The following GALNTL6 variants were observed in gnomAD, a reference collection of about 807,000 sequenced individuals.
GALNTL6 encodes the protein polypeptide N-acetylgalactosaminyltransferase like 6, also known as polypeptide N-acetylgalactosaminyltransferase-like 6.
In GALNTL6, 46 loss-of-function variants were observed where a neutral mutation model predicts 73.7. The ratio of observed to expected loss-of-function variants is 0.62; its 90% CI spans 0.49 to 0.80. The LOEUF is 0.80. Among genes scored for constraint, GALNTL6 ranks in the 30% least tolerant of loss-of-function variants. GALNTL6 has a pLI of 0.00. For synonymous variants in GALNTL6, 259 were observed against 263.7 expected (o/e 0.98, Z 0.17); for missense variants, 604 against 755.0 (o/e 0.80, Z 2.34).
intron 2 of GALNTL6, among the ~76,000 whole-genome samples, chr4:171,854,557 A>G (rs925342155): frequency 8.5e-5 from 13 of 152,210 alleles, no homozygotes; most frequent in African/African-American, 2.9e-4. Context: ...AGGTACTTGG[A>G]TAACATCTTA....
chr4:172,298,402 T>G (rs899455315), intron 3 of GALNTL6, among the ~76,000 whole-genome samples: 1 of 151,938 alleles, frequency 6.6e-6, no homozygotes, highest in Non-Finnish European at 1.5e-5. Flanking sequence ...TGAATAGGAG[T>G]GGTGAGAGAG....
intron 5 of GALNTL6, among the ~76,000 whole-genome samples, chr4:172,654,357 A>G (rs1380154392): frequency 6.6e-6 from 1 of 152,166 alleles, no homozygotes; most frequent in Non-Finnish European, 1.5e-5. Context: ...ACAAAGAAAA[A>G]CTTCCTAGAG....
intron 2 of GALNTL6, among the ~76,000 whole-genome samples, chr4:171,930,511 A>G (rs1466289347): frequency 1.3e-5 from 2 of 152,156 alleles, no homozygotes; most frequent in Admixed American, 6.5e-5. Flanking sequence ...ATCATACTGA[A>G]TGGGGAAAAG....
intron 5 of GALNTL6, among the ~76,000 whole-genome samples, chr4:172,555,579 G>C (rs115065447): frequency 0.022 from 3,400 of 152,080 alleles, 53 homozygotes; most frequent in Non-Finnish European, 0.037. Flanking sequence ...TTAGAAAGTA[G>C]AGTAGAATAA....
At chr4:172,380,457 C>T (rs549533205) in intron 5 of GALNTL6, 3 of 512,580 alleles carry the variant, frequency 5.9e-6, no homozygotes, top group African/African-American at 5.8e-5. Flanking sequence ...AGCTGGGTTT[C>T]CTTGACGATC....
chr4:172,924,462 T>G lies in GALNTL6; in HGVS notation c.1042-6699T>G, dbSNP rs149160549. Among the ~76,000 whole-genome samples, 82 of 152,328 alleles carry G rather than the reference T, an allele frequency of 5.4e-4. 1 individual carries two copies. In the East Asian group the frequency reaches 9.6e-3, roughly 18 times the overall value. On this transcript the variant is annotated intron_variant, in intron 8 of 12. Coordinates refer to ENST00000506823, the MANE Select transcript of GALNTL6 (RefSeq NM_001034845.3). ...AGTGCTCACTACGTATTTGTTCACT[T>G]AACGAAGTATATGAAAGAGAAGCAC...
At chr4:172,276,971 G>A (rs1048063830) in intron 3 of GALNTL6, among the ~76,000 whole-genome samples, 1 of 152,066 alleles carries the variant, frequency 6.6e-6, no homozygotes, top group African/African-American at 2.4e-5. Flanking sequence ...GGGTTTGATA[G>A]TTTTGACCAT....
At chr4:172,839,292 C>A (rs769659106) in intron 7 of GALNTL6, among the ~76,000 whole-genome samples, 2 of 152,148 alleles carry the variant, frequency 1.3e-5, no homozygotes, top group Non-Finnish European at 2.9e-5. Context: ...TGAGAGACTA[C>A]CTGAAGTCAC....
intron 5 of GALNTL6, among the ~76,000 whole-genome samples, chr4:172,726,925 A>T (rs545390816): frequency 6.6e-6 from 1 of 152,298 alleles, no homozygotes; most frequent in South Asian, 2.1e-4. Context: ...ATTAATGATT[A>T]TTGTTAAGGA....
At chr4:172,539,178 A>G (rs1165267211) in intron 5 of GALNTL6, among the ~76,000 whole-genome samples, 2 of 152,150 alleles carry the variant, frequency 1.3e-5, no homozygotes, top group African/African-American at 2.4e-5. Flanking sequence ...TTCCTAGGGT[A>G]CTTTTTTATC....
chr4:172,193,800 T>A (rs1360293348), intron 2 of GALNTL6, among the ~76,000 whole-genome samples: 1 of 152,088 alleles, frequency 6.6e-6, no homozygotes, highest in Non-Finnish European at 1.5e-5. Context: ...GAGGCGGAAC[T>A]TGCAGTGAGC....
chr4:172,217,805 G>A (rs1417742979), intron 2 of GALNTL6, among the ~76,000 whole-genome samples: 1 of 152,090 alleles, frequency 6.6e-6, no homozygotes, highest in East Asian at 1.9e-4. Context: ...GGATATATCA[G>A]GTAACAGGAA....
chr4:172,834,236 C>T (rs1003467683), intron 7 of GALNTL6, among the ~76,000 whole-genome samples: 1 of 152,196 alleles, frequency 6.6e-6, no homozygotes, highest in Non-Finnish European at 1.5e-5. Flanking sequence ...TGTGGACCCA[C>T]CCTGGGTTAC....
intron 5 of GALNTL6, among the ~76,000 whole-genome samples, chr4:172,733,477 G>C (rs1736271188): frequency 1.3e-5 from 2 of 151,976 alleles, no homozygotes; most frequent in South Asian, 4.2e-4. Flanking sequence ...GGGGGTATTT[G>C]ATATGGTTTG....
chr4:172,341,563 G>C (rs915289047), intron 4 of GALNTL6, among the ~76,000 whole-genome samples: 1 of 152,154 alleles, frequency 6.6e-6, no homozygotes. Context: ...CACGTGTTGT[G>C]GGGAGGGACC....
At chr4:171,838,371 C>T (rs1037789251) in intron 2 of GALNTL6, among the ~76,000 whole-genome samples, 2 of 152,078 alleles carry the variant, frequency 1.3e-5, no homozygotes, top group African/African-American at 4.8e-5. Flanking sequence ...GATCCACCCA[C>T]CTTGGCCTAC....
At position 171,836,712 on chromosome 4, in the gene GALNTL6, G is replaced by T. The variant is rs554751945; in HGVS notation, c.138+21994G>T. Reference sequence around the variant, plus strand: ...TTCAACTTTTTCAGTCTTCTTTCGTGATTGTCACTGACTACCTTGGAGAGG... The same window carrying T: ...TTCAACTTTTTCAGTCTTCTTTCGTTATTGTCACTGACTACCTTGGAGAGG... On this transcript the variant is annotated intron_variant, in intron 2 of 12. Transcript: ENST00000506823. Among the ~76,000 whole-genome samples the T allele has an allele frequency of 4.6e-5, 7 of 152,176 alleles. No individual in the cohort carries two copies. In the East Asian group the frequency reaches 1.2e-3, roughly 25 times the overall value.
intron 5 of GALNTL6, among the ~76,000 whole-genome samples, chr4:172,579,332 C>T (rs112404752): frequency 5.7e-4 from 87 of 152,206 alleles, no homozygotes; most frequent in African/African-American, 2.0e-3. Context: ...GTGATGTGAC[C>T]AACTGACATT....
chr4:172,467,529 G>T (rs1732866526), intron 5 of GALNTL6, among the ~76,000 whole-genome samples: 1 of 152,130 alleles, frequency 6.6e-6, no homozygotes, highest in Admixed American at 6.6e-5. Flanking sequence ...ACATGGCAGT[G>T]TCAAGGTTCA....
Sources: allele counts gnomAD v4.1 joint callset (sites outside exome capture counted in the v4.1 genomes callset), GRCh38; gene constraint gnomAD v4.1.1; transcripts MANE v1.5; gene names NCBI Gene and HGNC (gene_info 2026-07-23, HGNC 2026-07-21).